CTNNA3: variants seen among roughly 807,000 people sequenced by gnomAD.
CTNNA3 encodes the protein catenin alpha 3, also known as catenin alpha-3.
Under a neutral mutation model 95.7 loss-of-function variants are expected in CTNNA3, and 76 were observed. That is an observed-to-expected ratio of 0.79 (90% CI 0.66 to 0.96). The LOEUF (loss-of-function observed/expected upper bound fraction) is 0.96. Ranked by LOEUF, CTNNA3 falls within the 40% of genes least tolerant of loss-of-function variation. The probability of loss-of-function intolerance (pLI) is 0.00; values close to 1 mark genes in which losing one functional copy is unlikely to be tolerated. For missense variants in CTNNA3, 1,191 were observed against 1,089.8 expected, an observed-to-expected ratio of 1.09 and a Z score of -1.31; for synonymous variants, 431 against 374.4, an observed-to-expected ratio of 1.15 and a Z score of -1.74.
intron 11 of CTNNA3, among the ~76,000 whole-genome samples, chr10:66,458,291 G>A (rs185354305): frequency 2.1e-4 from 32 of 152,172 alleles, no homozygotes; most frequent in African/African-American, 7.5e-4. Flanking sequence ...AAAAAGGAAA[G>A]AATTATTGAT....
At chr10:67,328,698 C>A (rs1409809361) in intron 5 of CTNNA3, among the ~76,000 whole-genome samples, 1 of 152,162 alleles carries the variant, frequency 6.6e-6, no homozygotes, top group Non-Finnish European at 1.5e-5. Flanking sequence ...CCCTTCAGCC[C>A]AGCTTCTGCG....
At chr10:66,820,478 T>C (rs1174904761) in intron 7 of CTNNA3, among the ~76,000 whole-genome samples, 1 of 152,078 alleles carries the variant, frequency 6.6e-6, no homozygotes, top group African/African-American at 2.4e-5. Flanking sequence ...AATTTTATGG[T>C]ATATGAATTA....
chr10:66,001,724 C>T (rs993361068), intron 15 of CTNNA3, among the ~76,000 whole-genome samples: 1 of 151,836 alleles, frequency 6.6e-6, no homozygotes, highest in African/African-American at 2.4e-5. Context: ...AAAAATCTAC[C>T]TTTTCATTTT....
chr10:67,183,109 A>G (rs1250406772), intron 6 of CTNNA3, among the ~76,000 whole-genome samples: 4 of 152,216 alleles, frequency 2.6e-5, no homozygotes, highest in Admixed American at 6.5e-5. Flanking sequence ...AACTAGTTCA[A>G]CCATCATGGA....
At chr10:66,251,441 C>T (rs1334056989) in intron 13 of CTNNA3, among the ~76,000 whole-genome samples, 2 of 152,080 alleles carry the variant, frequency 1.3e-5, no homozygotes, top group African/African-American at 2.4e-5. Flanking sequence ...AAAATTCCCC[C>T]TTGAAAATTA....
At chr10:67,650,068 A>C (rs914563447) in intron 1 of CTNNA3, among the ~76,000 whole-genome samples, 48 of 151,948 alleles carry the variant, frequency 3.2e-4, no homozygotes, top group African/African-American at 1.1e-3. Flanking sequence ...TGAACTCCTG[A>C]CCTCAGGTGA....
intron 3 of CTNNA3, among the ~76,000 whole-genome samples, chr10:67,572,246 C>A (rs1842002705): frequency 6.6e-6 from 1 of 151,736 alleles, no homozygotes; most frequent in Non-Finnish European, 1.5e-5. Flanking sequence ...AATATGACTA[C>A]CAAAATATTT....
chr10:66,282,134 G>A (rs946558860), intron 12 of CTNNA3, among the ~76,000 whole-genome samples: 5 of 151,692 alleles, frequency 3.3e-5, no homozygotes, highest in Non-Finnish European at 7.4e-5. Context: ...CTTCTATTGG[G>A]TCATACCACT....
At chr10:67,752,546 G>A (rs538141132) in intron 1 of CTNNA3, among the ~76,000 whole-genome samples, 50 of 152,300 alleles carry the variant, frequency 3.3e-4, no homozygotes, top group Middle Eastern at 3.4e-3. Context: ...AACTGTCTCT[G>A]CAGACAACAT....
At chr10:66,535,024 C>A (rs1279959559) in intron 10 of CTNNA3, among the ~76,000 whole-genome samples, 2 of 152,022 alleles carry the variant, frequency 1.3e-5, no homozygotes, top group Non-Finnish European at 2.9e-5. Context: ...GACCTGGAGT[C>A]CTTAATTGCT....
intron 1 of CTNNA3, among the ~76,000 whole-genome samples, chr10:67,722,931 T>A (rs961924550): frequency 6.6e-6 from 1 of 151,602 alleles, no homozygotes; most frequent in Non-Finnish European, 1.5e-5. Flanking sequence ...TAACACAGAG[T>A]TTTACTTGAG....
intron 10 of CTNNA3, among the ~76,000 whole-genome samples, chr10:66,595,557 A>G (rs1051388593): frequency 2.1e-4 from 32 of 152,066 alleles, no homozygotes; most frequent in African/African-American, 6.7e-4. Context: ...GGCTGGTCTC[A>G]AACTCCTGAC....
chr10:67,745,976 T>C (rs974394886), intron 1 of CTNNA3, among the ~76,000 whole-genome samples: 5 of 152,148 alleles, frequency 3.3e-5, no homozygotes, highest in Admixed American at 1.3e-4. Flanking sequence ...GAAGAAATAA[T>C]ATCATTAAAA....
At chr10:66,946,506 T>A (rs191744573) in intron 7 of CTNNA3, among the ~76,000 whole-genome samples, 165 of 152,144 alleles carry the variant, frequency 1.1e-3, no homozygotes, top group African/African-American at 3.7e-3. Context: ...ACAGAACACA[T>A]CAGCAGTGTT....
intron 7 of CTNNA3, among the ~76,000 whole-genome samples, chr10:67,061,427 C>G (rs968869570): frequency 6.6e-6 from 1 of 152,276 alleles, no homozygotes; most frequent in Non-Finnish European, 1.5e-5. Context: ...TTATTGTTAA[C>G]TCCCCCTGTC....
chr10:66,865,606 A>G (rs1182356134), intron 7 of CTNNA3, among the ~76,000 whole-genome samples: 1 of 152,146 alleles, frequency 6.6e-6, no homozygotes, highest in African/African-American at 2.4e-5. Flanking sequence ...AATAATTGCC[A>G]TATGCAATTA....
At chr10:65,954,841 T>C (rs1173784145) in intron 17 of CTNNA3, among the ~76,000 whole-genome samples, 1 of 152,220 alleles carries the variant, frequency 6.6e-6, no homozygotes, top group Non-Finnish European at 1.5e-5. Flanking sequence ...CTTTGTTCTT[T>C]TGGCTTAGGA....
intron 12 of CTNNA3, among the ~76,000 whole-genome samples, chr10:66,352,477 G>A (rs60721447): frequency 1.3e-5 from 2 of 152,098 alleles, no homozygotes; most frequent in Non-Finnish European, 2.9e-5. Flanking sequence ...TACAACAAAT[G>A]GGGTCTGAAA....
chr10:66,762,872 T>A (rs1380775352), intron 9 of CTNNA3, among the ~76,000 whole-genome samples: 1 of 152,108 alleles, frequency 6.6e-6, no homozygotes, highest in Non-Finnish European at 1.5e-5. Flanking sequence ...TGGGCTTTTT[T>A]CTCATTTAAG....
Sources: gnomAD v4.1 joint callset for allele counts (sites outside exome capture counted in the v4.1 genomes callset) on GRCh38, gnomAD v4.1.1 for gene constraint, MANE v1.5 for transcripts, NCBI Gene and HGNC (gene_info 2026-07-23, HGNC 2026-07-21) for gene names.